The following ESRRB variants were observed in gnomAD, a reference collection of about 807,000 sequenced individuals.
ESRRB encodes steroid hormone receptor ERR2.
ESRRB carries 16 observed loss-of-function variants against 46.0 expected under a neutral mutation model. The ratio of observed to expected loss-of-function variants is 0.35; its 90% CI spans 0.24 to 0.53. ESRRB has a LOEUF of 0.53. Among genes scored for constraint, ESRRB ranks in the 20% least tolerant of loss-of-function variants. The pLI, the probability that ESRRB is intolerant of heterozygous loss-of-function variation, is 0.93. For synonymous variants in ESRRB, 246 were observed against 259.6 expected, an observed-to-expected ratio of 0.95 and a Z score of 0.50; for missense variants, 488 against 607.4, an observed-to-expected ratio of 0.80 and a Z score of 2.07.
At chr14:76,436,989 C>T (rs1429977735) in intron 1 of ESRRB, among the ~76,000 whole-genome samples, 2 of 152,102 alleles carry the variant, frequency 1.3e-5, no homozygotes, top group African/African-American at 2.4e-5. Context: ...AGTTCCTTGA[C>T]TCCAGCCATA....
At chr14:76,353,477 G>C (rs1220461760) in intron 1 of ESRRB, among the ~76,000 whole-genome samples, 1 of 152,110 alleles carries the variant, frequency 6.6e-6, no homozygotes, top group Non-Finnish European at 1.5e-5. Flanking sequence ...GTTTATTTAG[G>C]CCTTCCAGCC....
chr14:76,495,120 C>A lies in ESRRB; in HGVS notation c.1121-3094C>A, dbSNP rs73320337. ...AACACACATATGTGCATGCACATAC[C>A]CACATATGCAGCCACATCCATGTGT... On this transcript the variant is annotated intron_variant, in intron 6 of 6. Coordinates refer to ENST00000644823, the MANE Select transcript of ESRRB (RefSeq NM_001379180.1). 6.6e-4 allele frequency among the ~76,000 whole-genome samples: 100 copies of A among 152,088 alleles called. 1 individual carries two copies. The highest frequency in any genetic ancestry group is 2.0e-3 in the African/African-American group (81 of 41,494).
At position 76,491,534 on chromosome 14, in the gene ESRRB, C is replaced by T. The variant is rs991653082; in HGVS notation, c.938C>T (p.Ser313Leu). Residue 313 changes from serine to leucine, a missense_variant, in exon 6 of 7, where the codon TCG becomes TTG. Physicochemically the swap from Ser to Leu is moderately radical, Grantham distance 145 (BLOSUM62 -2). Transcript: ENST00000644823. ...CTCATCCTGGGCATCGTGTACCGCT[C>T]GCTGCCCTATGACGACAAGCTGGTG... ...EILILGIVYR[S>L]LPYDDKLVYA... 5.6e-6 allele frequency: 9 copies of T among 1,597,696 alleles called. No individual in the cohort carries two copies. The highest frequency in any genetic ancestry group is 1.8e-5 in the Admixed American group (1 of 57,052).
intron 3 of ESRRB, among the ~76,000 whole-genome samples, chr14:76,476,144 T>A (rs1013888665): frequency 3.9e-5 from 6 of 152,008 alleles, no homozygotes; most frequent in African/African-American, 1.2e-4. Context: ...TGGTGTGATC[T>A]CAACTCAAGA....
At chr14:76,347,259 G>A (rs74067877) in intron 1 of ESRRB, among the ~76,000 whole-genome samples, 5,416 of 152,224 alleles carry the variant, frequency 0.036, 163 homozygotes, top group East Asian at 0.093. Context: ...GTGGGTAGTG[G>A]GAAAAGATTA....
At chr14:76,469,936 T>TC (rs1889301281) in intron 3 of ESRRB, among the ~76,000 whole-genome samples, 1 of 133,988 alleles carries the variant, frequency 7.5e-6, no homozygotes, top group African/African-American at 2.9e-5. Flanking sequence ...GTTGTTTTTT[T>TC]TTTTTTTCTT....
At chr14:76,328,558 C>T (rs967624516) in intron 1 of ESRRB, among the ~76,000 whole-genome samples, 2 of 151,344 alleles carry the variant, frequency 1.3e-5, no homozygotes, top group African/African-American at 4.9e-5. Flanking sequence ...CACACACCTC[C>T]CAGGGCTCAC....
intron 1 of ESRRB, among the ~76,000 whole-genome samples, chr14:76,321,644 C>T (rs961987543): frequency 2.0e-5 from 3 of 152,044 alleles, no homozygotes; most frequent in African/African-American, 7.3e-5. Context: ...AGTGTGCCTC[C>T]CCTGTATTAC....
intron 1 of ESRRB, among the ~76,000 whole-genome samples, chr14:76,320,121 G>A (rs189315388): frequency 1.3e-5 from 2 of 152,214 alleles, no homozygotes; most frequent in East Asian, 1.9e-4. Flanking sequence ...TTTAAGGTGG[G>A]TAATGAGGCC....
rs940596834 is a variant in ESRRB at position 76,499,659 on chromosome 14, C to T, written c.*1201C>T. The T allele has an allele frequency of 8.1e-5, 52 of 641,378 alleles. No homozygotes were observed. Among genetic ancestry groups the T allele is most frequent in the South Asian group, 3.3e-4 (19 of 57,150 alleles). 39.7% of individuals were successfully genotyped at this position (641,378 alleles called of 1,614,324 possible). A position where few individuals can be genotyped will look rare whatever the true frequency, so the allele number is the denominator to read the frequency against. ...GTAGCTCCCCTGGGCACCGCGAGCA[C>T]GCCAGCTCTCTGGCAGGACCCCTGC... On this transcript the variant is annotated 3_prime_UTR_variant, in exon 7 of 7. Coordinates refer to ENST00000644823, the MANE Select transcript of ESRRB (RefSeq NM_001379180.1).
chr14:76,319,730 G>T (rs1390384558), intron 1 of ESRRB, among the ~76,000 whole-genome samples: 1 of 152,148 alleles, frequency 6.6e-6, no homozygotes, highest in Non-Finnish European at 1.5e-5. Context: ...TTGATTAGTA[G>T]AAACATGGTT....
rs1461987905 is a variant in ESRRB, at chr14:76,422,105, G to A, written c.51-17236G>A. ...GTGGCTACAGTCCCCTCCCTCAAAG[G>A]CCTGGATTAGAAAGCCAAGGAGCCT... is the stretch of plus-strand genomic sequence containing the variant. On this transcript the variant is annotated intron_variant, in intron 1 of 6. Transcript: ENST00000644823. Among the ~76,000 whole-genome samples, 7 of 152,102 alleles carry A rather than the reference G, an allele frequency of 4.6e-5. No individual in the cohort carries two copies. In the East Asian group the frequency reaches 9.7e-4, roughly 21 times the overall value.
chr14:76,398,504 C>A (rs950414522), intron 1 of ESRRB, among the ~76,000 whole-genome samples: 6 of 152,154 alleles, frequency 3.9e-5, no homozygotes, highest in African/African-American at 1.4e-4. Flanking sequence ...TGCTTACCAC[C>A]TTGTCACCTT....
intron 1 of ESRRB, among the ~76,000 whole-genome samples, chr14:76,409,041 C>G (rs1477502613): frequency 6.6e-6 from 1 of 152,192 alleles, no homozygotes; most frequent in African/African-American, 2.4e-5. Context: ...TTAATCCACT[C>G]ACCAATGGGC....
intron 1 of ESRRB, among the ~76,000 whole-genome samples, chr14:76,326,840 AGCT>A (rs1883935864): frequency 6.6e-6 from 1 of 152,224 alleles, no homozygotes. Flanking sequence ...CCTTCTTGCC[AGCT>A]GCTTTTTCCA....
At chr14:76,425,056 C>A (rs576717780) in intron 1 of ESRRB, among the ~76,000 whole-genome samples, 3 of 152,178 alleles carry the variant, frequency 2.0e-5, no homozygotes, top group African/African-American at 7.2e-5. Flanking sequence ...GCCTGATGCT[C>A]TTCTTTAAGA....
At chr14:76,402,792 C>T (rs556394789) in intron 1 of ESRRB, among the ~76,000 whole-genome samples, 1 of 152,272 alleles carries the variant, frequency 6.6e-6, no homozygotes, top group African/African-American at 2.4e-5. Flanking sequence ...CCTCAGCCTC[C>T]TAAGTAGCTG....
Position 76,483,422 on chromosome 14 carries a change from T to C in ESRRB, c.850+663T>C, listed in dbSNP as rs542048072. ...TCGCCTGATCTCTAAGGGAGGCCTG[T>C]CTCTGGATTGGCTTCTGAGATTTTA... On this transcript the variant is annotated intron_variant, in intron 5 of 6. Transcript: ENST00000644823. Among the ~76,000 whole-genome samples, 6 of 152,340 alleles carry C rather than the reference T, an allele frequency of 3.9e-5. No individual in the cohort carries two copies. In the South Asian group the frequency reaches 1.2e-3, roughly 32 times the overall value.
intron 1 of ESRRB, among the ~76,000 whole-genome samples, chr14:76,389,196 A>G (rs367740810): frequency 6.6e-6 from 1 of 151,984 alleles, no homozygotes; most frequent in Non-Finnish European, 1.5e-5. Flanking sequence ...GCAAACTTCT[A>G]TTTATCCTTT....
Sources: allele counts gnomAD v4.1 joint callset (sites outside exome capture counted in the v4.1 genomes callset), GRCh38; gene constraint gnomAD v4.1.1; transcripts MANE v1.5; gene names NCBI Gene and HGNC (gene_info 2026-07-23, HGNC 2026-07-21).